The following UBIAD1 variants were observed in gnomAD, a reference collection of about 807,000 sequenced individuals.
The protein encoded by UBIAD1 is ubiA prenyltransferase domain-containing protein 1.
Under a neutral mutation model 20.1 loss-of-function variants are expected in UBIAD1, and 12 were observed. The observed-to-expected ratio is 0.60, with a 90% CI of 0.38 to 0.97. UBIAD1 has a LOEUF of 0.97. Among genes scored for constraint, UBIAD1 ranks in the 50% least tolerant of loss-of-function variants. The probability of loss-of-function intolerance (pLI) is 0.00; values close to 1 mark genes in which losing one functional copy is unlikely to be tolerated. For synonymous variants in UBIAD1, 207 were observed against 189.2 expected, an observed-to-expected ratio of 1.09 and a Z score of -0.77; for missense variants, 333 against 419.5, an observed-to-expected ratio of 0.79 and a Z score of 1.80.
At chr1:11,292,402 G>A (rs1638381121), downstream of UBIAD1, among the ~76,000 whole-genome samples, 1 of 152,162 alleles carries the variant, frequency 6.6e-6, no homozygotes, top group African/African-American at 2.4e-5. Flanking sequence ...AGGCATTCAA[G>A]CGAAAAGATG....
At chr1:11,292,869 G>A (rs1638389766), downstream of UBIAD1, among the ~76,000 whole-genome samples, 1 of 152,150 alleles carries the variant, frequency 6.6e-6, no homozygotes, top group African/African-American at 2.4e-5. Flanking sequence ...CCTCTGGCAA[G>A]AACCTGGCAC....
chr1:11,277,710 C>T (rs1193443003), intron 1 of UBIAD1, among the ~76,000 whole-genome samples: 1 of 152,144 alleles, frequency 6.6e-6, no homozygotes, highest in Non-Finnish European at 1.5e-5. Context: ...TACAATGGCA[C>T]GATCTCGGCT....
chr1:11,299,047 C>G (rs1638491452), downstream of UBIAD1, among the ~76,000 whole-genome samples: 1 of 152,224 alleles, frequency 6.6e-6, no homozygotes, highest in Non-Finnish European at 1.5e-5. Context: ...AATCCATGCC[C>G]TAGGCCATCA....
rs573323484 is a variant in UBIAD1 at position 11,286,222 on chromosome 1, A to C, written c.*91A>C. On this transcript the variant is annotated 3_prime_UTR_variant, in exon 2 of 2. Transcript: ENST00000376810. Reference sequence around the variant, plus strand: ...GAGGAAGGAATGTGATTTGGCAGTCAGGGTACTAAGCATGGGTGGGAACTC... The same window carrying C: ...GAGGAAGGAATGTGATTTGGCAGTCCGGGTACTAAGCATGGGTGGGAACTC... 1.0e-5 allele frequency: 16 copies of C among 1,562,834 alleles called. No homozygotes were observed. The highest frequency in any genetic ancestry group is 1.4e-5 in the Non-Finnish European group (16 of 1,140,280).
At chr1:11,292,681 A>G (rs1182740629), downstream of UBIAD1, among the ~76,000 whole-genome samples, 1 of 148,620 alleles carries the variant, frequency 6.7e-6, no homozygotes. Context: ...ACACACACAC[A>G]CACACACACA....
Position 11,287,294 on chromosome 1 carries a change from C to T in UBIAD1, c.*1163C>T, listed in dbSNP as rs1638289057. On this transcript the variant is annotated 3_prime_UTR_variant, in exon 2 of 2. Transcript: ENST00000376810. The stretch of plus-strand genomic sequence containing the variant: ...GACAGATGTGCAATATTGACCCTGC[C>T]TCTCCCCAGGGCTTTGTGGAAAGAT... The T allele has an allele frequency of 6.6e-6, 1 of 152,270 alleles. No individual in the cohort carries two copies. Among genetic ancestry groups the T allele is most frequent in the Non-Finnish European group, 1.5e-5 (1 of 68,082 alleles). 9.4% of individuals were successfully genotyped at this position (152,270 alleles called of 1,614,324 possible).
chr1:11,278,419 T>G (rs1370590853), intron 1 of UBIAD1, among the ~76,000 whole-genome samples: 1 of 152,228 alleles, frequency 6.6e-6, no homozygotes, highest in Admixed American at 6.5e-5. Flanking sequence ...AAAATTGGGT[T>G]GCATTTTTCC....
In UBIAD1 at chr1:11,285,696, T is replaced by C; in HGVS notation, c.582T>C (p.Phe194=). ...GAGACCTCATCATCCTCATCACTTTTGGCCCGCTGGCTGTGATGTTCGCCT... is the reference window on the plus strand; with the variant it reads ...GAGACCTCATCATCCTCATCACTTTCGGCCCGCTGGCTGTGATGTTCGCCT... ...ALGDLIILIT[F]GPLAVMFAYA... The change falls in exon 2 of 2, where the codon TTT becomes TTC. Residue 194 remains phenylalanine (F), a synonymous_variant. Transcript: ENST00000376810. This position sits in a 1 kb window ranked among gnomAD's most constrained non-coding sequence, Gnocchi z 4.4. 4 of 1,614,188 alleles carry C rather than the reference T, an allele frequency of 2.5e-6. No individual in the cohort carries two copies. Among genetic ancestry groups the C allele is most frequent in the Non-Finnish European group, 1.7e-6 (2 of 1,180,034 alleles).
At chr1:11,296,989 A>C (rs772197115), downstream of UBIAD1, among the ~76,000 whole-genome samples, 1 of 152,208 alleles carries the variant, frequency 6.6e-6, no homozygotes, top group Non-Finnish European at 1.5e-5. Context: ...TGAGCACCTG[A>C]TAAGTACCAG....
At chr1:11,294,527 C>T (rs1048652214) in intron 1 of UBIAD1, among the ~76,000 whole-genome samples, 4 of 152,104 alleles carry the variant, frequency 2.6e-5, no homozygotes, top group African/African-American at 4.8e-5. Flanking sequence ...TGCCCTTAGC[C>T]GCTCCCAAGT....
intron 1 of UBIAD1, among the ~76,000 whole-genome samples, chr1:11,284,155 G>A (rs1218856364): frequency 6.6e-6 from 1 of 152,216 alleles, no homozygotes; most frequent in Admixed American, 6.5e-5. Context: ...CAGGCATATT[G>A]CCATGGGAGC....
chr1:11,294,856 C>T (rs370810212), intron 1 of UBIAD1: 10 of 717,346 alleles, frequency 1.4e-5, no homozygotes, highest in South Asian at 3.0e-5. Flanking sequence ...TGTCCTCATT[C>T]GTCTCGTCTC....
downstream of UBIAD1, among the ~76,000 whole-genome samples, chr1:11,296,917 G>A (rs112083748): frequency 2.4e-3 from 361 of 152,228 alleles, 2 homozygotes; most frequent in African/African-American, 7.8e-3. Context: ...GAGGGTCCAT[G>A]TTCTTCCCAG....
intron 1 of UBIAD1, among the ~76,000 whole-genome samples, chr1:11,283,484 A>G (rs1652312121): frequency 1.3e-5 from 2 of 152,140 alleles, no homozygotes; most frequent in Non-Finnish European, 2.9e-5. Context: ...GCATGTCCTC[A>G]TACAACCAAA....
Position 11,287,302 on chromosome 1 carries a change from A to G in UBIAD1, c.*1171A>G, listed in dbSNP as rs1400302889. ...TGCAATATTGACCCTGCCTCTCCCCAGGGCTTTGTGGAAAGATAGTTGAGG... is the reference window on the plus strand; with the variant it reads ...TGCAATATTGACCCTGCCTCTCCCCGGGGCTTTGTGGAAAGATAGTTGAGG... On this transcript the variant is annotated 3_prime_UTR_variant, in exon 2 of 2. Coordinates refer to ENST00000376810, the MANE Select transcript of UBIAD1 (RefSeq NM_013319.3). The G allele has an allele frequency of 1.3e-5, 2 of 152,240 alleles. No homozygotes were observed. The highest frequency in any genetic ancestry group is 2.9e-5 in the Non-Finnish European group (2 of 68,056). 9.4% of individuals were successfully genotyped at this position (152,240 alleles called of 1,614,324 possible). A position where few individuals can be genotyped will look rare whatever the true frequency, so the allele number is the denominator to read the frequency against.
chr1:11,284,178 G>T (rs1359226991), intron 1 of UBIAD1, among the ~76,000 whole-genome samples: 1 of 152,210 alleles, frequency 6.6e-6, no homozygotes, highest in African/African-American at 2.4e-5. Context: ...ATTGCAAGGG[G>T]ATCAAATGTG....
chr1:11,290,283 T>C (rs988240078), downstream of UBIAD1, among the ~76,000 whole-genome samples: 2 of 152,212 alleles, frequency 1.3e-5, no homozygotes, highest in African/African-American at 4.8e-5. Context: ...ACTCCTGGCC[T>C]CTGTGGGGCC....
chr1:11,289,930 C>G (rs948249020), downstream of UBIAD1, among the ~76,000 whole-genome samples: 2 of 152,268 alleles, frequency 1.3e-5, no homozygotes, highest in Admixed American at 6.5e-5. Flanking sequence ...AGGGGTTTCA[C>G]CATGTTGGCC....
Position 11,286,366 on chromosome 1 carries a change from G to T in UBIAD1, c.*235G>T, listed in dbSNP as rs546719481. On this transcript the variant is annotated 3_prime_UTR_variant, in exon 2 of 2. Transcript: ENST00000376810. ...TCTTGTATCAGAAGGTGAATTAGGC[G>T]CATGGTCTTTGTTTTATTAATAATT... is the stretch of plus-strand genomic sequence containing the variant. The T allele has an allele frequency of 2.9e-5, 17 of 583,576 alleles. No individual in the cohort carries two copies. The highest frequency in any genetic ancestry group is 2.8e-4 in the African/African-American group (15 of 53,532). 36.1% of individuals were successfully genotyped at this position (583,576 alleles called of 1,614,324 possible).
Sources: gnomAD v4.1 joint callset for allele counts (sites outside exome capture counted in the v4.1 genomes callset) on GRCh38, gnomAD v4.1.1 for gene constraint, Gnocchi (gnomAD v3.1) non-coding constraint, MANE v1.5 for transcripts, NCBI Gene and HGNC (gene_info 2026-07-23, HGNC 2026-07-21) for gene names.